TRMT44: variants seen among roughly 807,000 people sequenced by gnomAD.
The protein encoded by TRMT44 is tRNA methyltransferase 44 homolog.
TRMT44 carries 78 observed loss-of-function variants against 77.3 expected under a neutral mutation model. That is an observed-to-expected ratio of 1.01 (90% CI 0.84 to 1.22). The LOEUF (loss-of-function observed/expected upper bound fraction) is 1.22. TRMT44 is among the 50% of genes most tolerant of loss of function. The probability of loss-of-function intolerance (pLI) is 0.00; values close to 1 mark genes in which losing one functional copy is unlikely to be tolerated. For missense variants in TRMT44, 1,090 were observed against 964.4 expected (o/e 1.13, Z -1.73); for synonymous variants, 391 against 383.3 (o/e 1.02, Z -0.23).
At chr4:8,506,588 C>T in the TRMT44 span, among the ~76,000 whole-genome samples, 1 of 152,158 alleles carries the variant, frequency 6.6e-6, no homozygotes, top group African/African-American at 2.4e-5. Context: ...CCCCTTCCCC[C>T]CTCAGCCTGG....
chr4:8,496,376 G>A (rs1025495507), downstream of TRMT44, among the ~76,000 whole-genome samples: 23 of 152,088 alleles, frequency 1.5e-4, no homozygotes, highest in Admixed American at 3.9e-4. Flanking sequence ...TTCTTATCCC[G>A]GCCTGCAGCA....
chr4:8,504,613 T>G, the TRMT44 span, among the ~76,000 whole-genome samples: 101,228 of 152,064 alleles, frequency 0.67, 34,924 homozygotes, highest in African/African-American at 0.87. This position sits in a 1 kb window ranked among gnomAD's most constrained non-coding sequence, Gnocchi z 5.3. Flanking sequence ...GTATCCACCT[T>G]CAATAGCTCA....
intron 2 of TRMT44, among the ~76,000 whole-genome samples, chr4:8,484,197 A>G (rs1194547927): frequency 6.6e-6 from 1 of 152,100 alleles, no homozygotes; most frequent in Non-Finnish European, 1.5e-5. Flanking sequence ...GAGAAGAAGG[A>G]AATGTGGGGA....
chr4:8,467,763 G>A lies in TRMT44; in HGVS notation c.1495-151G>A, dbSNP rs149448228. On this transcript the variant is annotated intron_variant, in intron 8 of 10. Coordinates refer to ENST00000389737, the MANE Select transcript of TRMT44 (RefSeq NM_152544.3). ...GCTAGGATGATAGGAGTGAGCCACC[G>A]TACCTGGCTGGTGTCAGTTTTTTAA... 294 of 865,540 alleles carry A rather than the reference G, an allele frequency of 3.4e-4. 1 individual carries two copies. In the East Asian group the frequency reaches 6.9e-3, roughly 20 times the overall value. The allele number at this position is 865,540 out of a possible 1,614,324, so 53.6% of individuals were successfully genotyped here.
At chr4:8,484,915 C>T (rs750320545) in intron 2 of TRMT44, among the ~76,000 whole-genome samples, 8 of 151,962 alleles carry the variant, frequency 5.3e-5, no homozygotes, top group South Asian at 2.1e-4. Flanking sequence ...AGAATTATGC[C>T]GAGATAGGTA....
chr4:8,472,902 T>C (rs1033952131), intron 10 of TRMT44, among the ~76,000 whole-genome samples: 1 of 152,132 alleles, frequency 6.6e-6, no homozygotes, highest in African/African-American at 2.4e-5. Context: ...CCAACACTTG[T>C]TTTTGTTGGT....
chr4:8,453,752 T>G (rs752923365), intron 5 of TRMT44: 1 of 152,168 alleles, frequency 6.6e-6, no homozygotes, highest in Non-Finnish European at 1.5e-5. Context: ...CCCCATGATA[T>G]GATGGCCAGC....
At chr4:8,493,532 A>G (rs911389759), downstream of TRMT44, 15 of 152,182 alleles carry the variant, frequency 9.9e-5, no homozygotes, top group African/African-American at 3.6e-4. Context: ...ACTCTGCATG[A>G]ATTAAGCTCT....
chr4:8,454,976 T>C, intron 6 of TRMT44, 163 bp downstream of exon 6: 1 of 678,452 alleles, frequency 1.5e-6, no homozygotes. Flanking sequence ...AAAAGAGACA[T>C]GAAACTAGAC....
rs1246549022 is a variant in TRMT44 at position 8,461,572 on chromosome 4, C to T, written c.1204-2413C>T. ...CTCTAGTTCTTTAGCTGAGGTTTCC[C>T]AGCAGCCTGCATCAGACTTTTCTGT... On this transcript the variant is annotated intron_variant, in intron 6 of 10. Transcript: ENST00000389737. This position sits in a 1 kb window ranked among gnomAD's most constrained non-coding sequence, Gnocchi z 4.6. Among the ~76,000 whole-genome samples, 1 of 152,160 alleles carries T rather than the reference C, an allele frequency of 6.6e-6. No homozygotes were observed. Among genetic ancestry groups the T allele is most frequent in the African/African-American group, 2.4e-5 (1 of 41,424 alleles).
downstream of TRMT44, among the ~76,000 whole-genome samples, chr4:8,495,983 G>T (rs1365989703): frequency 2.0e-5 from 3 of 152,184 alleles, no homozygotes; most frequent in Non-Finnish European, 4.4e-5. Flanking sequence ...AATCAGATGG[G>T]CCACAGGCCG....
chr4:8,490,132 A>G (rs1014046106), intron 2 of TRMT44, among the ~76,000 whole-genome samples: 2 of 152,046 alleles, frequency 1.3e-5, no homozygotes, highest in African/African-American at 2.4e-5. Flanking sequence ...TCTCTGCCCA[A>G]CCAATCAGCA....
rs554675546 is a variant in TRMT44, at chr4:8,446,300, G to C, written c.620-176G>C. 8.5e-5 allele frequency among the ~76,000 whole-genome samples: 13 copies of C among 152,296 alleles called. No individual in the cohort carries two copies. The highest frequency in any genetic ancestry group is 2.9e-4 in the African/African-American group (12 of 41,548). ...CTGCTGTATGCCTGGCACATTCTAGGCTGTGGGCTGTAGCAGTGAATGAAA... is the reference window on the plus strand; with the variant it reads ...CTGCTGTATGCCTGGCACATTCTAGCCTGTGGGCTGTAGCAGTGAATGAAA... On this transcript the variant is annotated intron_variant, in intron 1 of 10. Coordinates refer to ENST00000389737, the MANE Select transcript of TRMT44 (RefSeq NM_152544.3). The surrounding 1 kb of genome is among the most constrained non-coding windows in gnomAD (Gnocchi z 4.3).
At chr4:8,480,222 G>A (rs1294299842), downstream of TRMT44, among the ~76,000 whole-genome samples, 3 of 152,198 alleles carry the variant, frequency 2.0e-5, no homozygotes, top group Non-Finnish European at 2.9e-5. Flanking sequence ...GTTTCCGAGC[G>A]GGAGTGGAAG....
rs369514598 is a variant in TRMT44, at chr4:8,468,302, C to A, written c.1883C>A (p.Thr628Lys). The change falls in exon 9 of 11, where the codon ACA (threonine) becomes AAA (lysine). Residue 628 changes from threonine (T) to lysine (K), a missense_variant. Physicochemically the swap from Thr to Lys is moderately conservative, Grantham distance 78. Coordinates refer to ENST00000389737, the MANE Select transcript of TRMT44 (RefSeq NM_152544.3). The stretch of plus-strand genomic sequence containing the variant: ...CTGTTAGGTGGAAAGCAATTAAACA[C>A]AAGAAGTTCTCGAAATGGGAGTTTG... ...NLLLGGKQLN[T>K]RSSRNGSLKT... 1.1e-5 allele frequency: 18 copies of A among 1,614,174 alleles called. No homozygotes were observed. The African/African-American group carries it at 1.2e-4, about 11-fold the overall frequency.
chr4:8,500,442 G>A, the TRMT44 span, among the ~76,000 whole-genome samples: 25 of 152,060 alleles, frequency 1.6e-4, no homozygotes, highest in South Asian at 5.0e-3. Context: ...GTTGCTGTGA[G>A]CCAAGATAAT....
the TRMT44 span, among the ~76,000 whole-genome samples, chr4:8,513,977 C>G: frequency 1.3e-5 from 2 of 152,224 alleles, no homozygotes; most frequent in Non-Finnish European, 2.9e-5. Context: ...CCCAAACCAT[C>G]TAGCAGCATC....
At chr4:8,475,637 A>G in intron 10 of TRMT44, 135 bp from the exon 11 acceptor site, 2 of 761,726 alleles carry the variant, frequency 2.6e-6, no homozygotes, top group South Asian at 3.4e-5. Context: ...ACCAGCAGGA[A>G]CTCTAGGCTG....
In TRMT44 at chr4:8,472,192, G is replaced by T. The variant is rs182379871; in HGVS notation, c.2044+992G>T. Among the ~76,000 whole-genome samples the T allele has an allele frequency of 8.5e-5, 13 of 152,258 alleles. No homozygotes were observed. In the East Asian group the frequency reaches 2.1e-3, roughly 25 times the overall value. ...TGTGCAGGGAGAACTGGCCTGGCCCGAGTGGGCTCAGGAGGGCTTTACTTA... is the reference window on the plus strand; with the variant it reads ...TGTGCAGGGAGAACTGGCCTGGCCCTAGTGGGCTCAGGAGGGCTTTACTTA... On this transcript the variant is annotated intron_variant, in intron 10 of 10. Coordinates refer to ENST00000389737, the MANE Select transcript of TRMT44 (RefSeq NM_152544.3).
Sources: gnomAD v4.1 joint callset for allele counts (sites outside exome capture counted in the v4.1 genomes callset) on GRCh38, gnomAD v4.1.1 for gene constraint, Gnocchi (gnomAD v3.1) non-coding constraint, MANE v1.5 for transcripts, NCBI Gene and HGNC (gene_info 2026-07-23, HGNC 2026-07-21) for gene names.